Variants in CAMKK2 observed in about 807,000 individuals in gnomAD.
The protein encoded by CAMKK2 is calcium/calmodulin dependent protein kinase kinase 2.
A neutral mutation model predicts 67.2 loss-of-function variants in CAMKK2; 30 were observed. The observed-to-expected ratio is 0.45, with a 90% CI of 0.33 to 0.61. The LOEUF is 0.61. Ranked by LOEUF, CAMKK2 falls within the 20% of genes least tolerant of loss-of-function variation. The probability of loss-of-function intolerance (pLI) is 0.02; values close to 1 mark genes in which losing one functional copy is unlikely to be tolerated. For missense variants in CAMKK2, 643 were observed against 802.0 expected (o/e 0.80, Z 2.39); for synonymous variants, 322 against 326.2 (o/e 0.99, Z 0.14).
chr12:121,249,981 C>T lies in CAMKK2; in HGVS notation c.1215G>A (p.Gln405=), dbSNP rs199716144. The T allele has an allele frequency of 4.3e-6, 7 of 1,614,062 alleles. No homozygotes were observed. The highest frequency in any genetic ancestry group is 2.7e-5 in the African/African-American group (2 of 74,932). ...IMCLHSKIKS[Q]ALEFPDQPDI... ...CTCACTGGTCTGGAAATTCCAGGGC[C>T]TGACTCTTGATCTTACTGTGTAAAC... The change falls in exon 12 of 17, where the codon CAG becomes CAA. Residue 405 remains glutamine (Q), a synonymous_variant. Coordinates refer to ENST00000404169, the MANE Select transcript of CAMKK2 (RefSeq NM_001270485.2).
Position 121,255,629 on chromosome 12 carries a change from C to G in CAMKK2, c.828G>C (p.Met276Ile). 6.2e-7 allele frequency: 1 copy of G among 1,612,756 alleles called. No homozygotes were observed. Among genetic ancestry groups the G allele is most frequent in the East Asian group, 2.2e-5 (1 of 44,800 alleles). Residue 276 changes from methionine (M) to isoleucine (I), a missense_variant, in exon 9 of 17, where the codon ATG (methionine) becomes ATC (isoleucine). Met to Ile is a conservative substitution (Grantham distance 10). This residue lies in a region of CAMKK2 where 483 missense variants were observed against 625.8 expected (regional missense o/e 0.77). Transcript: ENST00000404169. The stretch of plus-strand genomic sequence containing the variant: ...AGAGTGGTTTGAGGGTGGGCACTTC[C>G]ATCACGGGCCTGAAAGGTCGACACT... ...VFELVNQGPVMEVPTLKPLSE... is the reference protein window; with the variant it reads ...VFELVNQGPVIEVPTLKPLSE...
intron 1 of CAMKK2, among the ~76,000 whole-genome samples, chr12:121,277,592 G>A (rs9805130): frequency 0.44 from 66,289 of 152,118 alleles, 15,147 homozygotes; most frequent in African/African-American, 0.56. Context: ...CAGACGAACC[G>A]TGAAGACATA....
chr12:121,254,671 C>G (rs1346356882), intron 9 of CAMKK2, among the ~76,000 whole-genome samples: 1 of 152,110 alleles, frequency 6.6e-6, no homozygotes, highest in Non-Finnish European at 1.5e-5. Flanking sequence ...CCAAACAGTG[C>G]CTGGTGCACA....
chr12:121,271,029 C>T, intron 2 of CAMKK2, 84 bp from the exon 3 acceptor site: 1 of 1,029,670 alleles, frequency 9.7e-7, no homozygotes, highest in Non-Finnish European at 1.5e-6. Context: ...CCTACAAGCC[C>T]TTCAGGAGAC....
In CAMKK2 at chr12:121,240,587, C is replaced by G. The variant is rs1411387053; in HGVS notation, c.*112G>C. ...AAAACAAATAACCAGAGATGACGAT[C>G]GAGGCTCTACACACGTGCTGGGTTT... On this transcript the variant is annotated 3_prime_UTR_variant, in exon 17 of 17. Coordinates refer to ENST00000404169, the MANE Select transcript of CAMKK2 (RefSeq NM_001270485.2). The surrounding 1 kb of genome is among the most constrained non-coding windows in gnomAD (Gnocchi z 4.4). The G allele has an allele frequency of 3.9e-6, 6 of 1,533,560 alleles. No individual in the cohort carries two copies. The highest frequency in any genetic ancestry group is 1.4e-5 in the African/African-American group (1 of 72,466). 95.0% of individuals were successfully genotyped at this position (1,533,560 alleles called of 1,614,324 possible).
At chr12:121,252,740 G>A (rs1891010509) in intron 10 of CAMKK2, 26 bp from the exon 11 acceptor site, 1 of 1,611,790 alleles carries the variant, frequency 6.2e-7, no homozygotes, top group East Asian at 2.2e-5. Flanking sequence ...CTTAGTGTGA[G>A]GGCATAAGGG....
At chr12:121,241,066 G>A (rs1180865044) in intron 16 of CAMKK2, among the ~76,000 whole-genome samples, 197 bp from the exon 17 acceptor site, 1 of 152,052 alleles carries the variant, frequency 6.6e-6, no homozygotes, top group Non-Finnish European at 1.5e-5. Flanking sequence ...GACTTTGCAC[G>A]CAGCCCCTCT....
upstream of CAMKK2, chr12:121,297,307 G>A (rs1486267826): frequency 7.7e-6 from 2 of 259,240 alleles, no homozygotes; most frequent in Admixed American, 9.1e-5. Context: ...GGCGGTGGAT[G>A]CGGCCTGGAC....
intron 6 of CAMKK2, 108 bp downstream of exon 6, chr12:121,263,698 A>G: frequency 1.0e-6 from 1 of 964,722 alleles, no homozygotes; most frequent in Non-Finnish European, 1.5e-6. Context: ...TCAGCCCTGC[A>G]GTGAGCGGTC....
intron 6 of CAMKK2, among the ~76,000 whole-genome samples, chr12:121,261,181 G>A (rs1893379212): frequency 6.6e-6 from 1 of 151,928 alleles, no homozygotes; most frequent in Non-Finnish European, 1.5e-5. Flanking sequence ...TCCTGTACAG[G>A]GCACGGCATA....
intron 16 of CAMKK2, chr12:121,244,275 T>A (rs1888965967): frequency 1.2e-6 from 1 of 805,440 alleles, no homozygotes; most frequent in African/African-American, 1.7e-5. Flanking sequence ...ACCATTGACG[T>A]GCACTGAGAA....
chr12:121,289,071 C>T (rs75030130), intron 1 of CAMKK2, among the ~76,000 whole-genome samples: 1 of 152,080 alleles, frequency 6.6e-6, no homozygotes, highest in Admixed American at 6.5e-5. Flanking sequence ...CCAATCCCCC[C>T]ACCCCACCCC....
intron 1 of CAMKK2, among the ~76,000 whole-genome samples, chr12:121,286,762 G>C (rs913104877): frequency 8.5e-5 from 13 of 152,176 alleles, no homozygotes; most frequent in Admixed American, 4.6e-4. Flanking sequence ...GAGGCACAGA[G>C]AGCCTGGCTG....
Position 121,244,230 on chromosome 12 carries a change from G to C in CAMKK2, c.1596+343C>G, listed in dbSNP as rs908077361. 8.4e-6 allele frequency: 11 copies of C among 1,309,932 alleles called. 1 individual carries two copies. Among genetic ancestry groups the C allele is most frequent in the South Asian group, 3.8e-5 (3 of 79,120 alleles). 81.1% of individuals were successfully genotyped at this position (1,309,932 alleles called of 1,614,324 possible). ...CTATGTGCTGACCATGCGGACTCGG[G>C]GGGGCACCCATGGGCCCTGTGACAG... On this transcript the variant is annotated intron_variant, in intron 16 of 16. Transcript: ENST00000404169.
rs573611084 is a variant in CAMKK2 at position 121,282,581 on chromosome 12, G to A, written c.-59-7996C>T. ...GCCACACGGAGATGGAGGCGGAGACGATGCTCCTTCTAGAGGCCAAGGAGC... is the reference window on the plus strand; with the variant it reads ...GCCACACGGAGATGGAGGCGGAGACAATGCTCCTTCTAGAGGCCAAGGAGC... On this transcript the variant is annotated intron_variant, in intron 1 of 16. Coordinates refer to ENST00000404169, the MANE Select transcript of CAMKK2 (RefSeq NM_001270485.2). 9.9e-5 allele frequency among the ~76,000 whole-genome samples: 15 copies of A among 152,222 alleles called. No homozygotes were observed. The South Asian group carries it at 2.3e-3, about 23-fold the overall frequency.
At chr12:121,279,323 G>A (rs1040033851) in intron 1 of CAMKK2, among the ~76,000 whole-genome samples, 10 of 152,212 alleles carry the variant, frequency 6.6e-5, no homozygotes, top group Admixed American at 2.0e-4. Flanking sequence ...CCCCAGGGAC[G>A]CAGGCCCTGA....
At chr12:121,281,798 T>C (rs960766423) in intron 1 of CAMKK2, among the ~76,000 whole-genome samples, 1 of 152,048 alleles carries the variant, frequency 6.6e-6, no homozygotes, top group Non-Finnish European at 1.5e-5. Flanking sequence ...AATACAAAAA[T>C]AGCCAGGTGT....
rs989932892 is a variant in CAMKK2, at chr12:121,240,499, A to G, written c.*200T>C. ...CCGCCTGTCCAGCCAGCCAGCGGCCACGGTCGACGTCATGGAGTCAAGTCC... is the reference window on the plus strand; with the variant it reads ...CCGCCTGTCCAGCCAGCCAGCGGCCGCGGTCGACGTCATGGAGTCAAGTCC... On this transcript the variant is annotated 3_prime_UTR_variant, in exon 17 of 17. Coordinates refer to ENST00000404169, the MANE Select transcript of CAMKK2 (RefSeq NM_001270485.2). The surrounding 1 kb of genome is among the most constrained non-coding windows in gnomAD (Gnocchi z 4.4). 14 of 1,533,798 alleles carry G rather than the reference A, an allele frequency of 9.1e-6. No homozygotes were observed. Among genetic ancestry groups the G allele is most frequent in the Non-Finnish European group, 1.2e-5 (14 of 1,146,572 alleles).
chr12:121,291,446 G>T (rs1008638809), intron 1 of CAMKK2, among the ~76,000 whole-genome samples: 5 of 152,224 alleles, frequency 3.3e-5, no homozygotes, highest in African/African-American at 1.2e-4. Flanking sequence ...GGCCGCAGAA[G>T]CGAATGAAGC....
Sources: gnomAD v4.1 joint callset for allele counts (sites outside exome capture counted in the v4.1 genomes callset) on GRCh38, gnomAD v4.1.1 for gene constraint, gnomAD v4.1.1 regional missense constraint, Gnocchi (gnomAD v3.1) non-coding constraint, MANE v1.5 for transcripts, NCBI Gene and HGNC (gene_info 2026-07-23, HGNC 2026-07-21) for gene names.